WDFY2: variants seen among roughly 807,000 people sequenced by gnomAD.
The protein encoded by WDFY2 is WD repeat and FYVE domain-containing protein 2.
In WDFY2, 36 loss-of-function variants were observed where a neutral mutation model predicts 56.4. The ratio of observed to expected loss-of-function variants is 0.64; its 90% CI spans 0.49 to 0.84. The LOEUF is 0.84. Ranked by LOEUF, WDFY2 falls within the 40% of genes least tolerant of loss-of-function variation. The pLI, the probability that WDFY2 is intolerant of heterozygous loss-of-function variation, is 0.00. For synonymous variants in WDFY2, 176 were observed against 183.7 expected, an observed-to-expected ratio of 0.96 and a Z score of 0.34; for missense variants, 444 against 512.2, an observed-to-expected ratio of 0.87 and a Z score of 1.29.
At chr13:51,704,553 G>A (rs1952046139) in intron 4 of WDFY2, among the ~76,000 whole-genome samples, 1 of 152,170 alleles carries the variant, frequency 6.6e-6, no homozygotes, top group Admixed American at 6.5e-5. Flanking sequence ...CAGAAACTGA[G>A]TACAATCTCT....
intron 2 of WDFY2, among the ~76,000 whole-genome samples, chr13:51,664,712 G>A (rs1222519703): frequency 1.3e-5 from 2 of 152,150 alleles, no homozygotes; most frequent in African/African-American, 2.4e-5. Context: ...AGGCCTCATT[G>A]TACACCTCCT....
intron 2 of WDFY2, 111 bp from the exon 3 acceptor site, chr13:51,675,059 T>C: frequency 1.1e-6 from 1 of 889,200 alleles, no homozygotes; most frequent in African/African-American, 1.7e-5. Flanking sequence ...TGAAATGTTT[T>C]CCAGGAGATA....
At position 51,607,387 on chromosome 13, in the gene WDFY2, G is replaced by A. The variant is rs540989018; in HGVS notation, c.137+22563G>A. Among the ~76,000 whole-genome samples, 304 of 152,310 alleles carry A rather than the reference G, an allele frequency of 2.0e-3. 1 individual carries two copies. Among genetic ancestry groups the A allele is most frequent in the African/African-American group, 7.1e-3 (294 of 41,560 alleles). On this transcript the variant is annotated intron_variant, in intron 1 of 11. Coordinates refer to ENST00000298125, the MANE Select transcript of WDFY2 (RefSeq NM_052950.4). ...TCTCCAGCCTCTTCAGATCGTGTTT[G>A]CTAATGTCCTGTTGTAGAAATAGAC...
chr13:51,628,192 GCGCTGAGCCGC>G (rs1012138982), intron 1 of WDFY2, among the ~76,000 whole-genome samples: 8 of 152,204 alleles, frequency 5.3e-5, no homozygotes, highest in African/African-American at 1.9e-4. Flanking sequence ...CTGCAGTCCT[GCGCTGAGCCGC>G]CCCTCAGGCC....
At chr13:51,690,209 T>G (rs529389108) in intron 3 of WDFY2, among the ~76,000 whole-genome samples, 10 of 150,704 alleles carry the variant, frequency 6.6e-5, no homozygotes, top group Non-Finnish European at 1.2e-4. Flanking sequence ...TTTTTTATTA[T>G]TATACTTTAA....
chr13:51,600,891 T>A (rs905887256), intron 1 of WDFY2, among the ~76,000 whole-genome samples: 1 of 152,204 alleles, frequency 6.6e-6, no homozygotes, highest in Non-Finnish European at 1.5e-5. Flanking sequence ...TCATTGCTAT[T>A]TTCCGTGAAG....
chr13:51,663,495 A>G (rs1955649274), intron 2 of WDFY2, among the ~76,000 whole-genome samples: 1 of 152,130 alleles, frequency 6.6e-6, no homozygotes, highest in Admixed American at 6.5e-5. Flanking sequence ...TAGAGGTGAA[A>G]AAGAAAGTTA....
intron 1 of WDFY2, among the ~76,000 whole-genome samples, chr13:51,644,362 A>G (rs1955228781): frequency 6.6e-6 from 1 of 152,166 alleles, no homozygotes; most frequent in Non-Finnish European, 1.5e-5. Context: ...TTCCAGGTAT[A>G]TTGTTTGTAA....
At chr13:51,638,393 C>T (rs1955092889) in intron 1 of WDFY2, among the ~76,000 whole-genome samples, 2 of 152,084 alleles carry the variant, frequency 1.3e-5, no homozygotes, top group African/African-American at 4.8e-5. Context: ...TTTGACAGGG[C>T]TGAGCAACAT....
intron 3 of WDFY2, among the ~76,000 whole-genome samples, chr13:51,677,619 CTTTAT>C (rs1236256051): frequency 1.3e-5 from 2 of 152,126 alleles, no homozygotes; most frequent in African/African-American, 4.8e-5. Context: ...CATTATTTCA[CTTTAT>C]TTTACTGAAT....
chr13:51,634,823 A>G (rs1034181285), intron 1 of WDFY2, among the ~76,000 whole-genome samples: 4 of 152,214 alleles, frequency 2.6e-5, no homozygotes, highest in Admixed American at 2.0e-4. Context: ...AATAGGGTGC[A>G]TCATGGTTGG....
At chr13:51,622,106 A>ATAG (rs1486810918) in intron 1 of WDFY2, among the ~76,000 whole-genome samples, 2 of 152,218 alleles carry the variant, frequency 1.3e-5, no homozygotes, top group Non-Finnish European at 2.9e-5. Context: ...GGAGGTCGTT[A>ATAG]TTAGTTCTCT....
At chr13:51,692,304 C>T (rs2138548730) in intron 3 of WDFY2, among the ~76,000 whole-genome samples, 1 of 152,262 alleles carries the variant, frequency 6.6e-6, no homozygotes, top group Non-Finnish European at 1.5e-5. Context: ...AGTTTTTGCC[C>T]ATTCAGTATG....
At chr13:51,729,248 G>A (rs1346475174) in intron 6 of WDFY2, among the ~76,000 whole-genome samples, 1 of 151,782 alleles carries the variant, frequency 6.6e-6, no homozygotes, top group Non-Finnish European at 1.5e-5. Flanking sequence ...GCACACTCAC[G>A]ATTTCCTGTG....
At chr13:51,730,308 C>T (rs980471116) in intron 6 of WDFY2, among the ~76,000 whole-genome samples, 1 of 152,162 alleles carries the variant, frequency 6.6e-6, no homozygotes. Flanking sequence ...ACGTTGTAAA[C>T]CTTGTCGTAC....
intron 7 of WDFY2, among the ~76,000 whole-genome samples, chr13:51,739,852 A>G (rs1184465458): frequency 6.6e-6 from 1 of 152,140 alleles, no homozygotes; most frequent in East Asian, 1.9e-4. Flanking sequence ...GCAACTCCCC[A>G]CTGGTGACCC....
intron 4 of WDFY2, among the ~76,000 whole-genome samples, chr13:51,713,680 C>T (rs1449756699): frequency 6.6e-6 from 1 of 151,918 alleles, no homozygotes. Flanking sequence ...CAAGACCAGC[C>T]TCTACTAAAA....
At chr13:51,748,282 GC>G (rs1196044901) in intron 7 of WDFY2, among the ~76,000 whole-genome samples, 1 of 152,226 alleles carries the variant, frequency 6.6e-6, no homozygotes, top group Non-Finnish European at 1.5e-5. Context: ...ACTGGACACA[GC>G]AGTAGGAGCC....
chr13:51,600,067 A>G (rs965038889), intron 1 of WDFY2, among the ~76,000 whole-genome samples: 1 of 152,128 alleles, frequency 6.6e-6, no homozygotes, highest in African/African-American at 2.4e-5. Flanking sequence ...TCATGTATTT[A>G]TTAAAGCACT....
Sources: gnomAD v4.1 joint callset for allele counts (sites outside exome capture counted in the v4.1 genomes callset) on GRCh38, gnomAD v4.1.1 for gene constraint, MANE v1.5 for transcripts, NCBI Gene and HGNC (gene_info 2026-07-23, HGNC 2026-07-21) for gene names.